Variants in FREM1 observed in about 807,000 individuals in gnomAD.
FREM1 encodes FRAS1-related extracellular matrix protein 1.
FREM1 carries 220 observed loss-of-function variants against 210.1 expected under a neutral mutation model. The ratio of observed to expected loss-of-function variants is 1.05; its 90% CI spans 0.94 to 1.17. The LOEUF (loss-of-function observed/expected upper bound fraction) is 1.17, where lower values mean the gene tolerates loss of function less well. FREM1 is among the 50% of genes most tolerant of loss of function. The pLI is 0.00. For missense variants in FREM1, 3,454 were observed against 2,675.5 expected (o/e 1.29, Z -6.42); for synonymous variants, 1,189 against 980.2 (o/e 1.21, Z -3.98).
intron 35 of FREM1, among the ~76,000 whole-genome samples, chr9:14,741,733 CCT>C (rs1367687681): frequency 6.6e-6 from 1 of 152,168 alleles, no homozygotes; most frequent in Non-Finnish European, 1.5e-5. Context: ...CCCTTAATTC[CCT>C]GACTGAATTC....
At chr9:14,811,427 A>T (rs577554342) in intron 16 of FREM1, among the ~76,000 whole-genome samples, 2 of 152,292 alleles carry the variant, frequency 1.3e-5, no homozygotes, top group South Asian at 4.2e-4. Context: ...GCAATAAATA[A>T]CAATCATTGG....
intron 1 of FREM1, among the ~76,000 whole-genome samples, chr9:14,878,566 G>T (rs1338356535): frequency 6.6e-6 from 1 of 152,090 alleles, no homozygotes; most frequent in Non-Finnish European, 1.5e-5. Flanking sequence ...TAATGCATTT[G>T]ATCCTTTATA....
intron 29 of FREM1, 83 bp from the exon 30 acceptor site, chr9:14,750,359 C>G: frequency 9.0e-7 from 1 of 1,113,470 alleles, no homozygotes. Context: ...ATTAACATGT[C>G]TACAGCTAGA....
At chr9:14,873,262 AC>A (rs978404076) in intron 1 of FREM1, among the ~76,000 whole-genome samples, 2 of 152,032 alleles carry the variant, frequency 1.3e-5, no homozygotes, top group African/African-American at 4.8e-5. Context: ...TCCTCCTTGT[AC>A]CTCTGGTAGA....
At chr9:14,740,086 GGT>G in intron 36 of FREM1, 61 bp downstream of exon 36, 1 of 998,852 alleles carries the variant, frequency 1.0e-6, no homozygotes, top group Non-Finnish European at 1.6e-6. Context: ...GCAGGGTGGT[GGT>G]GCCTGTTTGT....
intron 3 of FREM1, among the ~76,000 whole-genome samples, chr9:14,861,020 C>CACATATAT (rs199934343): frequency 0.067 from 6,812 of 101,432 alleles, 966 homozygotes; most frequent in East Asian, 0.16. Context: ...TACATATATA[C>CACATATAT]ACATATATAC....
rs1268180725 is a variant in FREM1 at position 14,812,877 on chromosome 9, C to A, written c.2828G>T (p.Gly943Val). ...EPQHGVVRRA[G>V]VTVDQFSQRD... is the part of the protein sequence containing the mutation. ...CTGAGAGAACTGATCCACTGTGACT[C>A]CAGCTCTCCTCACCACCCCATGCTG... is the stretch of plus-strand genomic sequence containing the variant. Residue 943 changes from glycine (G) to valine (V), a missense_variant, in exon 16 of 37, where the codon GGA becomes GTA. By Grantham distance (109) the Gly-to-Val change is moderately radical. Coordinates refer to ENST00000380880, the MANE Select transcript of FREM1 (RefSeq NM_001379081.2). 2.5e-6 allele frequency: 4 copies of A among 1,613,686 alleles called. No homozygotes were observed. Among genetic ancestry groups the A allele is most frequent in the Non-Finnish European group, 3.4e-6 (4 of 1,179,818 alleles).
intron 15 of FREM1, among the ~76,000 whole-genome samples, chr9:14,813,827 C>T (rs1029321016): frequency 1.3e-5 from 2 of 152,194 alleles, no homozygotes; most frequent in Admixed American, 6.5e-5. Context: ...TGCAAGGCTG[C>T]CACGTCTGCC....
At chr9:14,766,872 A>T (rs1224994857) in intron 27 of FREM1, among the ~76,000 whole-genome samples, 1 of 152,200 alleles carries the variant, frequency 6.6e-6, no homozygotes, top group Non-Finnish European at 1.5e-5. Context: ...TTTGTGATTC[A>T]TCCCAGGATC....
intron 27 of FREM1, among the ~76,000 whole-genome samples, chr9:14,764,046 G>A (rs1382895522): frequency 6.6e-6 from 1 of 152,168 alleles, no homozygotes; most frequent in African/African-American, 2.4e-5. Context: ...TGTTGTGGGA[G>A]GGACCTGGTG....
At chr9:14,744,571 T>C (rs1842095493) in intron 35 of FREM1, among the ~76,000 whole-genome samples, 1 of 152,148 alleles carries the variant, frequency 6.6e-6, no homozygotes, top group Non-Finnish European at 1.5e-5. Flanking sequence ...TTCAGTATTT[T>C]ATTCCATCAC....
chr9:14,850,829 C>T (rs1827584173), intron 6 of FREM1, among the ~76,000 whole-genome samples: 1 of 152,252 alleles, frequency 6.6e-6, no homozygotes, highest in Non-Finnish European at 1.5e-5. Context: ...CTGCAGTTCT[C>T]AAACTGGTGA....
At chr9:14,892,793 C>T (rs1002672215) in intron 1 of FREM1, among the ~76,000 whole-genome samples, 3 of 152,140 alleles carry the variant, frequency 2.0e-5, no homozygotes, top group Non-Finnish European at 2.9e-5. Context: ...CTCTGGCCTC[C>T]CTGGGCTCTT....
At position 14,857,788 on chromosome 9, in the gene FREM1, C is replaced by T. The variant is rs1588406994; in HGVS notation, c.632-39G>A. On this transcript the variant is annotated intron_variant, in intron 4 of 36. Transcript: ENST00000380880. ...CACTGGATTAAGAGAGTCACTTAAACATAACAATTGTAAAATTTAGAAACC... is the reference window on the plus strand; with the variant it reads ...CACTGGATTAAGAGAGTCACTTAAATATAACAATTGTAAAATTTAGAAACC... 4.1e-6 allele frequency: 6 copies of T among 1,462,732 alleles called. No homozygotes were observed. The South Asian group carries it at 5.4e-5, about 13-fold the overall frequency. The allele number at this position is 1,462,732 out of a possible 1,614,324, so 90.6% of individuals were successfully genotyped here.
At chr9:14,766,929 G>C (rs147430390) in intron 27 of FREM1, among the ~76,000 whole-genome samples, 214 of 152,256 alleles carry the variant, frequency 1.4e-3, no homozygotes, top group African/African-American at 4.7e-3. Flanking sequence ...ATGTTTCCGG[G>C]ATACTTCTTC....
At position 14,823,206 on chromosome 9, in the gene FREM1, A is replaced by G. The variant is rs1821704076; in HGVS notation, c.2291T>C (p.Ile764Thr). 1 of 1,613,948 alleles carries G rather than the reference A, an allele frequency of 6.2e-7. No homozygotes were observed. The highest frequency in any genetic ancestry group is 2.2e-5 in the East Asian group (1 of 44,866). Residue 764 changes from isoleucine (I) to threonine (T), a missense_variant, in exon 13 of 37, where the codon ATC becomes ACC. Coordinates refer to ENST00000380880, the MANE Select transcript of FREM1 (RefSeq NM_001379081.2). ...SNQHGGTLHG[I>T]CFNITILPVD... ...TGGGAGGATTGTAATGTTAAAGCAG[A>G]TCCCATGCAAAGTACCGCCATGTTG...
At chr9:14,808,759 C>T (rs999949598) in intron 16 of FREM1, among the ~76,000 whole-genome samples, 3 of 152,160 alleles carry the variant, frequency 2.0e-5, no homozygotes, top group Non-Finnish European at 4.4e-5. Flanking sequence ...TTAGGTCTTA[C>T]ATCTGTAGGA....
At chr9:14,905,490 T>TA (rs1564211077) in intron 1 of FREM1, among the ~76,000 whole-genome samples, 1 of 152,206 alleles carries the variant, frequency 6.6e-6, no homozygotes, top group Non-Finnish European at 1.5e-5. Flanking sequence ...GGAGAATCAG[T>TA]AAAAAATGAA....
chr9:14,884,135 A>C (rs1835335099), intron 1 of FREM1, among the ~76,000 whole-genome samples: 1 of 152,206 alleles, frequency 6.6e-6, no homozygotes, highest in Admixed American at 6.5e-5. Context: ...AGGCTGAGGC[A>C]GGAGAATCTC....
Sources: gnomAD v4.1 joint callset for allele counts (sites outside exome capture counted in the v4.1 genomes callset) on GRCh38, gnomAD v4.1.1 for gene constraint, MANE v1.5 for transcripts, NCBI Gene and HGNC (gene_info 2026-07-23, HGNC 2026-07-21) for gene names.